The following CCDC38 variants were observed in gnomAD, a reference collection of about 807,000 sequenced individuals.
CCDC38 encodes the protein coiled-coil domain containing 38, also known as coiled-coil domain-containing protein 38.
A neutral mutation model predicts 72.8 loss-of-function variants in CCDC38; 69 were observed. That is an observed-to-expected ratio of 0.95 (90% CI 0.78 to 1.16). The LOEUF is 1.16. Ranked by LOEUF, CCDC38 falls within the 50% of genes most tolerant of loss-of-function variation. The probability of loss-of-function intolerance (pLI) is 0.00; values close to 1 mark genes in which losing one functional copy is unlikely to be tolerated. For missense variants in CCDC38, 626 were observed against 638.9 expected, an observed-to-expected ratio of 0.98 and a Z score of 0.22; for synonymous variants, 201 against 213.2, an observed-to-expected ratio of 0.94 and a Z score of 0.50.
intron 5 of CCDC38, among the ~76,000 whole-genome samples, chr12:95,905,407 G>A (rs1484699045): frequency 6.6e-6 from 1 of 152,154 alleles, no homozygotes; most frequent in African/African-American, 2.4e-5. Context: ...AACTACCTAG[G>A]ACATCAGTTA....
intron 5 of CCDC38, among the ~76,000 whole-genome samples, chr12:95,902,514 A>G (rs573651578): frequency 2.0e-4 from 31 of 152,280 alleles, no homozygotes; most frequent in Non-Finnish European, 4.4e-4. Context: ...TAGTACAACT[A>G]TTTTAAGAGT....
chr12:95,874,017 G>C (rs571286770), intron 13 of CCDC38, among the ~76,000 whole-genome samples: 18 of 152,284 alleles, frequency 1.2e-4, no homozygotes, highest in African/African-American at 4.3e-4. Context: ...AACAGCAAAA[G>C]TCCTATATTG....
chr12:95,896,663 G>A (rs1353402075), intron 7 of CCDC38: 3 of 152,204 alleles, frequency 2.0e-5, no homozygotes, highest in Non-Finnish European at 4.4e-5. Context: ...TGGCTGGAAA[G>A]ATACAGTTTC....
intron 2 of CCDC38, among the ~76,000 whole-genome samples, chr12:95,929,659 C>T (rs2080315797): frequency 6.6e-6 from 1 of 152,190 alleles, no homozygotes; most frequent in African/African-American, 2.4e-5. Flanking sequence ...TTTTGTCCCT[C>T]CAAGTTCAAA....
intron 1 of CCDC38, among the ~76,000 whole-genome samples, chr12:95,936,728 T>A (rs903342723): frequency 2.6e-5 from 4 of 152,172 alleles, no homozygotes; most frequent in Non-Finnish European, 5.9e-5. Context: ...GCATGTGCAA[T>A]AATGTTTGTT....
intron 2 of CCDC38, among the ~76,000 whole-genome samples, chr12:95,925,123 C>T (rs2080254484): frequency 6.6e-6 from 1 of 151,598 alleles, no homozygotes; most frequent in Non-Finnish European, 1.5e-5. Context: ...CTGTAAATTA[C>T]CTTGGGCAGT....
chr12:95,884,914 A>G (rs770554118), intron 10 of CCDC38, among the ~76,000 whole-genome samples: 2 of 152,266 alleles, frequency 1.3e-5, no homozygotes, highest in Non-Finnish European at 2.9e-5. Context: ...ACCATGGGTT[A>G]GGACTTCTAC....
At chr12:95,891,040 TC>T in intron 8 of CCDC38, 110 bp from the exon 9 acceptor site, 1 of 602,588 alleles carries the variant, frequency 1.7e-6, no homozygotes, top group Non-Finnish European at 2.9e-6. Context: ...TGTCAAAACT[TC>T]CAGGGACAGA....
intron 5 of CCDC38, among the ~76,000 whole-genome samples, chr12:95,900,963 G>A (rs1028524368): frequency 6.6e-6 from 1 of 152,132 alleles, no homozygotes; most frequent in African/African-American, 2.4e-5. Context: ...GTAAGCTGGG[G>A]ACCAGATCAA....
At chr12:95,909,510 CA>C (rs1459979182) in intron 4 of CCDC38, among the ~76,000 whole-genome samples, 1 of 152,024 alleles carries the variant, frequency 6.6e-6, no homozygotes, top group Non-Finnish European at 1.5e-5. Flanking sequence ...GAAGTTATTA[CA>C]AAAAAATCTA....
At chr12:95,902,227 C>A (rs1319535746) in intron 5 of CCDC38, among the ~76,000 whole-genome samples, 4 of 152,036 alleles carry the variant, frequency 2.6e-5, no homozygotes, top group Admixed American at 2.0e-4. Flanking sequence ...GTATAACTAT[C>A]CAATAAACTC....
At chr12:95,881,669 A>G in intron 10 of CCDC38, 115 bp from the exon 11 acceptor site, 2 of 715,662 alleles carry the variant, frequency 2.8e-6, no homozygotes, top group Non-Finnish European at 4.6e-6. Flanking sequence ...ATTATTTTCA[A>G]TAGCAGGTTT....
At chr12:95,899,103 C>G (rs1233597527) in intron 5 of CCDC38, among the ~76,000 whole-genome samples, 1 of 152,156 alleles carries the variant, frequency 6.6e-6, no homozygotes, top group East Asian at 1.9e-4. Flanking sequence ...AGCTTCTCCT[C>G]CAATAGGAAG....
At chr12:95,876,157 A>G (rs2079633012) in intron 13 of CCDC38, among the ~76,000 whole-genome samples, 3 of 152,236 alleles carry the variant, frequency 2.0e-5, no homozygotes, top group African/African-American at 7.2e-5. Flanking sequence ...ACATGGATGA[A>G]CTTTGAAAAC....
At position 95,888,491 on chromosome 12, in the gene CCDC38, C is replaced by T; in HGVS notation, c.887G>A (p.Ser296Asn). The T allele has an allele frequency of 6.2e-7, 1 of 1,614,036 alleles. No individual in the cohort carries two copies. Among genetic ancestry groups the T allele is most frequent in the Non-Finnish European group, 8.5e-7 (1 of 1,180,020 alleles). ...GRDSQGKPSR[S>N]LTRTPEKKKS... The stretch of plus-strand genomic sequence containing the variant: ...CTTTTTCTCTGGAGTGCGAGTCAGG[C>T]TTCTGCTTGGCTTTCCTGTTCAAAA... Residue 296 changes from serine (S) to asparagine (N), a missense_variant, in exon 10 of 16, where the codon AGC (serine) becomes AAC (asparagine). Ser to Asn is a conservative substitution (Grantham distance 46). Coordinates refer to ENST00000344280, the MANE Select transcript of CCDC38 (RefSeq NM_182496.3).
intron 4 of CCDC38, among the ~76,000 whole-genome samples, chr12:95,912,470 TG>T (rs1432566273): frequency 1.3e-5 from 2 of 150,188 alleles, no homozygotes; most frequent in South Asian, 2.1e-4. Flanking sequence ...AGGATGGGGG[TG>T]GGGGGATAGG....
chr12:95,941,612 A>G (rs2080451747), intron 1 of CCDC38, among the ~76,000 whole-genome samples: 1 of 152,224 alleles, frequency 6.6e-6, no homozygotes, highest in Admixed American at 6.5e-5. Context: ...TAGTTCTGCA[A>G]ATATGCCTAA....
intron 4 of CCDC38, among the ~76,000 whole-genome samples, chr12:95,916,501 C>T (rs1268984449): frequency 6.6e-6 from 1 of 151,782 alleles, no homozygotes; most frequent in Non-Finnish European, 1.5e-5. Context: ...CTCCATCATC[C>T]TAGCATTAAT....
chr12:95,875,321 G>C (rs2079623890), intron 13 of CCDC38, among the ~76,000 whole-genome samples: 1 of 152,058 alleles, frequency 6.6e-6, no homozygotes, highest in Non-Finnish European at 1.5e-5. Flanking sequence ...TTTCTTGAGA[G>C]GTACACTTGT....
Sources: allele counts gnomAD v4.1 joint callset (sites outside exome capture counted in the v4.1 genomes callset), GRCh38; gene constraint gnomAD v4.1.1; transcripts MANE v1.5; gene names NCBI Gene and HGNC (gene_info 2026-07-23, HGNC 2026-07-21).